The following DIP2B variants were observed in gnomAD, a reference collection of about 807,000 sequenced individuals.
DIP2B encodes the protein DIP2 acetate--CoA ligase B (putative).
In DIP2B, 76 loss-of-function variants were observed where a neutral mutation model predicts 198.0. The ratio of observed to expected loss-of-function variants is 0.38; its 90% CI spans 0.32 to 0.46. DIP2B has a LOEUF of 0.46. Among genes scored for constraint, DIP2B ranks in the 20% least tolerant of loss-of-function variants. The pLI, the probability that DIP2B is intolerant of heterozygous loss-of-function variation, is 0.99. For synonymous variants in DIP2B, 701 were observed against 739.1 expected (o/e 0.95, Z 0.84); for missense variants, 1,559 against 1,978.4 (o/e 0.79, Z 4.02).
At chr12:50,682,791 T>A (rs1228760624) in intron 9 of DIP2B, among the ~76,000 whole-genome samples, 1 of 152,178 alleles carries the variant, frequency 6.6e-6, no homozygotes, top group Admixed American at 6.5e-5. Context: ...TTTATTGCCT[T>A]AGCCCTACAC....
At chr12:50,643,148 A>G (rs1382188655) in intron 3 of DIP2B, among the ~76,000 whole-genome samples, 2 of 152,050 alleles carry the variant, frequency 1.3e-5, no homozygotes, top group Non-Finnish European at 2.9e-5. Context: ...TCAATATTCT[A>G]TATCCAAGCC....
intron 1 of DIP2B, among the ~76,000 whole-genome samples, chr12:50,574,227 C>T (rs1958638882): frequency 6.6e-6 from 1 of 152,150 alleles, no homozygotes; most frequent in Non-Finnish European, 1.5e-5. Flanking sequence ...TTAGATTAAT[C>T]TAAAATTAGA....
chr12:50,582,062 G>C (rs1219547031), intron 1 of DIP2B, among the ~76,000 whole-genome samples: 1 of 151,490 alleles, frequency 6.6e-6, no homozygotes. Context: ...GGTGGAGCAT[G>C]CTTGATCAAA....
intron 12 of DIP2B, 58 bp from the exon 13 acceptor site, chr12:50,690,991 T>C (rs1238262041): frequency 1.4e-6 from 2 of 1,459,036 alleles, no homozygotes; most frequent in African/African-American, 2.8e-5. Flanking sequence ...ATTCTAGTTT[T>C]GTCATCTGAA....
chr12:50,694,672 T>TTA (rs1939279096), intron 14 of DIP2B, among the ~76,000 whole-genome samples: 1 of 150,138 alleles, frequency 6.7e-6, no homozygotes, highest in Non-Finnish European at 1.5e-5. Context: ...TTTTTTTTTT[T>TTA]AAAGCATATG....
At chr12:50,589,351 C>T (rs184237821) in intron 1 of DIP2B, among the ~76,000 whole-genome samples, 40 of 151,278 alleles carry the variant, frequency 2.6e-4, no homozygotes, top group Admixed American at 1.3e-3. Flanking sequence ...CACGCCACCA[C>T]GCCCAGCTAA....
intron 1 of DIP2B, among the ~76,000 whole-genome samples, chr12:50,607,107 T>TC (rs1012842256): frequency 7.6e-5 from 10 of 132,166 alleles, no homozygotes; most frequent in African/African-American, 2.6e-4. Context: ...ATGCTTGGCT[T>TC]CTTTTTTTTT....
intron 1 of DIP2B, among the ~76,000 whole-genome samples, chr12:50,597,968 C>A (rs779178161): frequency 2.0e-5 from 3 of 152,140 alleles, no homozygotes; most frequent in African/African-American, 7.2e-5. Context: ...AAAGTGAGCA[C>A]GCTTGCTGAA....
intron 1 of DIP2B, among the ~76,000 whole-genome samples, chr12:50,590,724 A>AC (rs1196734907): frequency 6.6e-6 from 1 of 152,228 alleles, no homozygotes; most frequent in Non-Finnish European, 1.5e-5. Context: ...TATTATGATC[A>AC]TTTCCAGTGA....
chr12:50,674,742 G>A (rs1458269348), intron 6 of DIP2B, 113 bp downstream of exon 6: 4 of 1,320,692 alleles, frequency 3.0e-6, no homozygotes, highest in Non-Finnish European at 4.2e-6. Flanking sequence ...ATTGTAGTTG[G>A]CCCACTAATA....
Position 50,671,332 on chromosome 12 carries a change from C to T in DIP2B, c.574C>T (p.Leu192=). 1 of 1,614,186 alleles carries T rather than the reference C, an allele frequency of 6.2e-7. No homozygotes were observed. Among genetic ancestry groups the T allele is most frequent in the Non-Finnish European group, 8.5e-7 (1 of 1,180,028 alleles). Residue 192 remains leucine, a synonymous_variant, in exon 5 of 38, where the codon CTG becomes TTG. Transcript: ENST00000301180. ...SSTSSSASST[L]SHGEVKGTSG... is the part of the protein sequence containing the mutation. ...CACTTCTTCATCCGCATCTTCTACG[C>T]TGTCCCACGGAGAGGTCAAAGGAAC...
intron 10 of DIP2B, among the ~76,000 whole-genome samples, chr12:50,685,065 T>A (rs143780188): frequency 6.6e-6 from 1 of 152,138 alleles, no homozygotes; most frequent in Non-Finnish European, 1.5e-5. Context: ...GCACTCCAGG[T>A]TGGGTGACAG....
intron 12 of DIP2B, among the ~76,000 whole-genome samples, chr12:50,689,841 G>A (rs1939191870): frequency 6.6e-6 from 1 of 152,140 alleles, no homozygotes; most frequent in Non-Finnish European, 1.5e-5. Flanking sequence ...GACACACAGA[G>A]ACAGAGACTA....
chr12:50,658,513 C>T (rs1385980194), intron 3 of DIP2B, among the ~76,000 whole-genome samples: 1 of 152,142 alleles, frequency 6.6e-6, no homozygotes, highest in African/African-American at 2.4e-5. Context: ...ATGTTTGAAA[C>T]ATTTCTGAAG....
intron 7 of DIP2B, 58 bp from the exon 8 acceptor site, chr12:50,678,621 T>G: frequency 1.3e-6 from 2 of 1,541,476 alleles, no homozygotes; most frequent in Non-Finnish European, 1.8e-6. Context: ...ATTAGAGACC[T>G]AAGTTGTGTT....
chr12:50,516,291 G>C (rs1593571067), intron 1 of DIP2B, among the ~76,000 whole-genome samples: 1 of 149,570 alleles, frequency 6.7e-6, no homozygotes, highest in Non-Finnish European at 1.5e-5. Context: ...AGTCTTGCTC[G>C]TCACCAAGGC....
chr12:50,553,560 T>G (rs1958444980), intron 1 of DIP2B, among the ~76,000 whole-genome samples: 1 of 152,196 alleles, frequency 6.6e-6, no homozygotes, highest in Non-Finnish European at 1.5e-5. Flanking sequence ...CACTAACAGT[T>G]TTGTCTAAAC....
rs188432148 is a variant in DIP2B at position 50,531,460 on chromosome 12, C to T, written c.100+26220C>T. 7.6e-4 allele frequency among the ~76,000 whole-genome samples: 116 copies of T among 152,212 alleles called. 1 individual carries two copies. The highest frequency in any genetic ancestry group is 7.3e-3 in the Admixed American group (112 of 15,276). ...AAAGAGGTCAGAGGGGTATGAGTGA[C>T]CAGAGGGAGAAGAGCAAAACAACAA... On this transcript the variant is annotated intron_variant, in intron 1 of 37. Transcript: ENST00000301180.
intron 1 of DIP2B, among the ~76,000 whole-genome samples, chr12:50,623,433 ACACACTCTCTCT>A (rs1395472432): frequency 1.6e-3 from 76 of 46,792 alleles, no homozygotes; most frequent in African/African-American, 2.7e-3. Flanking sequence ...ACACACACAC[ACACACTCTCTCT>A]CTCTCTCTCT....
Sources: allele counts gnomAD v4.1 joint callset (sites outside exome capture counted in the v4.1 genomes callset), GRCh38; gene constraint gnomAD v4.1.1; transcripts MANE v1.5; gene names NCBI Gene and HGNC (gene_info 2026-07-23, HGNC 2026-07-21).